Variants in CPVL observed in about 807,000 individuals in gnomAD.
CPVL encodes the protein probable serine carboxypeptidase CPVL.
In CPVL, 51 loss-of-function variants were observed where a neutral mutation model predicts 63.7. The ratio of observed to expected loss-of-function variants is 0.80; its 90% CI spans 0.64 to 1.01. The LOEUF (loss-of-function observed/expected upper bound fraction) is 1.01, where lower values mean the gene tolerates loss of function less well. Ranked by LOEUF, CPVL falls within the 50% of genes least tolerant of loss-of-function variation. CPVL has a pLI of 0.00. For synonymous variants in CPVL, 195 were observed against 206.0 expected, an observed-to-expected ratio of 0.95 and a Z score of 0.46; for missense variants, 530 against 573.1, an observed-to-expected ratio of 0.92 and a Z score of 0.77.
intron 12 of CPVL, among the ~76,000 whole-genome samples, chr7:29,004,826 AG>A (rs1421594781): frequency 6.6e-6 from 1 of 152,126 alleles, no homozygotes; most frequent in Non-Finnish European, 1.5e-5. Flanking sequence ...ACTTTTTGTA[AG>A]GATTCAGAGA....
At chr7:29,141,742 C>G (rs12539786) in intron 1 of CPVL, among the ~76,000 whole-genome samples, 1 of 152,050 alleles carries the variant, frequency 6.6e-6, no homozygotes, top group Non-Finnish European at 1.5e-5. Flanking sequence ...TGGTAAAACC[C>G]TGTCTCTACT....
chr7:29,182,030 T>A (rs1798121914), intron 4 of CPVL, among the ~76,000 whole-genome samples: 1 of 152,246 alleles, frequency 6.6e-6, no homozygotes, highest in South Asian at 2.1e-4. Flanking sequence ...TTTTTCTTAC[T>A]TAAATTATAA....
chr7:29,154,391 C>T (rs1192313614), intron 5 of CPVL, among the ~76,000 whole-genome samples: 2 of 152,204 alleles, frequency 1.3e-5, no homozygotes, highest in African/African-American at 2.4e-5. Context: ...TTCTCTTTGC[C>T]TCCCTTCACC....
chr7:29,182,087 A>G (rs1466621958), intron 4 of CPVL, among the ~76,000 whole-genome samples: 1 of 152,232 alleles, frequency 6.6e-6, no homozygotes, highest in African/African-American at 2.4e-5. Flanking sequence ...TTAAAAAGAC[A>G]ATATTCCTTT....
At chr7:29,118,247 A>G (rs1367308837) in intron 2 of CPVL, among the ~76,000 whole-genome samples, 1 of 152,200 alleles carries the variant, frequency 6.6e-6, no homozygotes, top group East Asian at 1.9e-4. Flanking sequence ...ATTTCCTCAT[A>G]TGTGGATTGG....
At chr7:29,039,595 C>G (rs1447525661) in intron 11 of CPVL, among the ~76,000 whole-genome samples, 1 of 151,924 alleles carries the variant, frequency 6.6e-6, no homozygotes, top group Non-Finnish European at 1.5e-5. Flanking sequence ...GCATGAAAGG[C>G]TAAGACTGAA....
chr7:29,111,952 C>T (rs1788276551), intron 3 of CPVL, among the ~76,000 whole-genome samples: 1 of 152,232 alleles, frequency 6.6e-6, no homozygotes, highest in South Asian at 2.1e-4. Context: ...ATAAGATTTG[C>T]TTCTCAGCGC....
chr7:29,098,612 G>A lies in CPVL; in HGVS notation c.289-2395C>T, dbSNP rs538089025. 1.1e-4 allele frequency among the ~76,000 whole-genome samples: 17 copies of A among 152,362 alleles called. No homozygotes were observed. In the South Asian group the frequency reaches 3.5e-3, roughly 32 times the overall value. ...GACTGAGGCCTCTGATGAGCAGCCTGAAGCTCCAGGGGTCAGCGCGGTATT... is the reference window on the plus strand; with the variant it reads ...GACTGAGGCCTCTGATGAGCAGCCTAAAGCTCCAGGGGTCAGCGCGGTATT... On this transcript the variant is annotated intron_variant, in intron 3 of 12. Coordinates refer to ENST00000265394, the MANE Select transcript of CPVL (RefSeq NM_031311.5).
intron 1 of CPVL, among the ~76,000 whole-genome samples, chr7:29,127,286 C>T (rs1790133794): frequency 6.6e-6 from 1 of 152,156 alleles, no homozygotes; most frequent in African/African-American, 2.4e-5. Flanking sequence ...AATAGAAGGG[C>T]CATGCCTGTG....
chr7:29,146,717 A>T (rs1370903402), upstream of CPVL: 2 of 1,550,644 alleles, frequency 1.3e-6, no homozygotes, highest in Admixed American at 2.0e-5. Flanking sequence ...TTAAAAATTA[A>T]TGAAGAGCAT....
At chr7:29,050,921 A>G (rs113944040) in intron 11 of CPVL, among the ~76,000 whole-genome samples, 2,453 of 152,314 alleles carry the variant, frequency 0.016, 30 homozygotes, top group Non-Finnish European at 0.026. Context: ...CTGATGGAAC[A>G]GAATAGAGAA....
chr7:29,178,915 A>C (rs991262591), intron 5 of CPVL, among the ~76,000 whole-genome samples: 2 of 152,222 alleles, frequency 1.3e-5, no homozygotes, highest in African/African-American at 4.8e-5. Context: ...CAAACTAATA[A>C]AAAGAACACT....
At chr7:29,164,275 CCT>C (rs1036745426) in intron 5 of CPVL, among the ~76,000 whole-genome samples, 1 of 152,010 alleles carries the variant, frequency 6.6e-6, no homozygotes, top group African/African-American at 2.4e-5. Context: ...GTGCTTATTT[CCT>C]GTTTGTACAG....
At chr7:29,167,158 A>G (rs1796024601) in intron 5 of CPVL, among the ~76,000 whole-genome samples, 1 of 152,202 alleles carries the variant, frequency 6.6e-6, no homozygotes, top group Non-Finnish European at 1.5e-5. Flanking sequence ...TCAAAGGTAC[A>G]ATATCTTGAA....
intron 11 of CPVL, among the ~76,000 whole-genome samples, chr7:29,047,840 T>A (rs1789772938): frequency 6.6e-6 from 1 of 152,170 alleles, no homozygotes; most frequent in African/African-American, 2.4e-5. Flanking sequence ...TAACAGCAGA[T>A]TTCTCAGCAG....
At chr7:29,069,058 T>C (rs1056738399) in intron 9 of CPVL, among the ~76,000 whole-genome samples, 1 of 152,110 alleles carries the variant, frequency 6.6e-6, no homozygotes. Flanking sequence ...CACATCATTT[T>C]TGGAACTCAT....
intron 11 of CPVL, among the ~76,000 whole-genome samples, chr7:29,036,126 T>C (rs1788500399): frequency 6.6e-6 from 1 of 152,170 alleles, no homozygotes; most frequent in Non-Finnish European, 1.5e-5. Flanking sequence ...GTTATTTCTG[T>C]CACTGAAACC....
At chr7:29,045,668 A>G (rs922931032) in intron 11 of CPVL, among the ~76,000 whole-genome samples, 4 of 152,244 alleles carry the variant, frequency 2.6e-5, no homozygotes, top group African/African-American at 7.2e-5. Context: ...TTGAAGAATT[A>G]GTATCATTTA....
intron 2 of CPVL, among the ~76,000 whole-genome samples, chr7:29,118,258 T>C (rs1472292108): frequency 6.6e-6 from 1 of 152,248 alleles, no homozygotes; most frequent in Non-Finnish European, 1.5e-5. Flanking sequence ...TGTGGATTGG[T>C]AGAATTTGGT....
Sources: allele counts gnomAD v4.1 joint callset (sites outside exome capture counted in the v4.1 genomes callset), GRCh38; gene constraint gnomAD v4.1.1; transcripts MANE v1.5; gene names NCBI Gene and HGNC (gene_info 2026-07-23, HGNC 2026-07-21).